The following PDCL3 variants were observed in gnomAD, a reference collection of about 807,000 sequenced individuals.
PDCL3 encodes the protein phosducin like 3.
In PDCL3, 22 loss-of-function variants were observed where a neutral mutation model predicts 26.5. The observed-to-expected ratio is 0.83, with a 90% CI of 0.59 to 1.19. The LOEUF (loss-of-function observed/expected upper bound fraction) is 1.19, where lower values mean the gene tolerates loss of function less well. PDCL3 is among the 50% of genes most tolerant of loss of function. The pLI, the probability that PDCL3 is intolerant of heterozygous loss-of-function variation, is 0.00. For missense variants in PDCL3, 246 were observed against 294.1 expected (o/e 0.84, Z 1.20); for synonymous variants, 81 against 104.9 (o/e 0.77, Z 1.39).
chr2:100,576,420 C>T lies in PDCL3; in HGVS notation c.644C>T (p.Pro215Leu), dbSNP rs1453404519. 12 of 1,613,782 alleles carry T rather than the reference C, an allele frequency of 7.4e-6. No individual in the cohort carries two copies. Among genetic ancestry groups the T allele is most frequent in the African/African-American group, 1.3e-5 (1 of 74,900 alleles). The change falls in exon 6 of 6, where the codon CCG becomes CTG. Residue 215 changes from proline (P) to leucine (L), a missense_variant. By Grantham distance (98) the Pro-to-Leu change is moderately conservative. Transcript: ENST00000264254. The stretch of plus-strand genomic sequence containing the variant: ...GACCTGGAGGAAAACCCTAAGAAGC[C>T]GATTGAAGACGTGTTGCTGTCCTCA... ...MTDLEENPKK[P>L]IEDVLLSSVR...
chr2:100,574,404 A>G (rs1295560356), intron 5 of PDCL3, among the ~76,000 whole-genome samples: 3 of 151,448 alleles, frequency 2.0e-5, no homozygotes, highest in Admixed American at 2.0e-4. Context: ...AAGTACCTAG[A>G]GCCGAAAATA....
chr2:100,568,875 T>C (rs574045672), intron 2 of PDCL3, 56 bp from the exon 3 acceptor site: 1 of 1,404,534 alleles, frequency 7.1e-7, no homozygotes, highest in Non-Finnish European at 1.0e-6. Context: ...AAAAGAAAAA[T>C]ACATGTTCGT....
intron 1 of PDCL3, chr2:100,563,552 C>T (rs1165171926): frequency 6.5e-6 from 1 of 154,240 alleles, no homozygotes; most frequent in Non-Finnish European, 1.4e-5. Flanking sequence ...CCCTGGGATC[C>T]GCTTGGGGCG....
At position 100,569,764 on chromosome 2, in the gene PDCL3, T is replaced by A. The variant is rs745361615; in HGVS notation, c.368+43T>A. ...TCCATCTATCAAATGTTAATTTGAA[T>A]TTATGTCTTCAGGATCTCAGGCGTT... is the stretch of plus-strand genomic sequence containing the variant. On this transcript the variant is annotated intron_variant, in intron 4 of 5. Transcript: ENST00000264254. 2.5e-6 allele frequency: 4 copies of A among 1,585,972 alleles called. No homozygotes were observed. The East Asian group carries it at 9.1e-5, about 36-fold the overall frequency.
chr2:100,568,805 GT>G, intron 2 of PDCL3, 125 bp from the exon 3 acceptor site: 1 of 724,292 alleles, frequency 1.4e-6, no homozygotes. Flanking sequence ...AGTAATTTTT[GT>G]TTAGGTAGGC....
At chr2:100,569,370 AAATGTGT>A (rs1475436499) in intron 3 of PDCL3, among the ~76,000 whole-genome samples, 1 of 152,176 alleles carries the variant, frequency 6.6e-6, no homozygotes, top group Non-Finnish European at 1.5e-5. Flanking sequence ...AAATAAAATG[AAATGTGT>A]GTCCTTCAAA....
chr2:100,566,494 C>T lies in PDCL3; in HGVS notation c.7-9C>T. 6.2e-7 allele frequency: 1 copy of T among 1,611,344 alleles called. No homozygotes were observed. On this transcript the variant is annotated splice_polypyrimidine_tract_variant and intron_variant, in intron 1 of 5. Coordinates refer to ENST00000264254, the MANE Select transcript of PDCL3 (RefSeq NM_024065.5). ...AGCACTCATGGTAACCTTGGTCCCG[C>T]TCTTCTAGGACCCCAACGCAGACAC...
In PDCL3 at chr2:100,569,559, C is replaced by T. The variant is rs200774210; in HGVS notation, c.225-19C>T. The T allele has an allele frequency of 6.8e-6, 11 of 1,609,672 alleles. No homozygotes were observed. Among genetic ancestry groups the T allele is most frequent in the Non-Finnish European group, 9.3e-6 (11 of 1,178,340 alleles). ...CACGTGTTTGTGACGTAAGATGTTT[C>T]TCTCCTTGTTTTGTGCAGACGGCGG... On this transcript the variant is annotated intron_variant, in intron 3 of 5. Coordinates refer to ENST00000264254, the MANE Select transcript of PDCL3 (RefSeq NM_024065.5).
chr2:100,569,752 T>C (rs1205446928), intron 4 of PDCL3, 31 bp downstream of exon 4: 3 of 1,592,206 alleles, frequency 1.9e-6, no homozygotes, highest in Non-Finnish European at 1.7e-6. Flanking sequence ...ATCTATCAAA[T>C]GTTAATTTGA....
intron 5 of PDCL3, among the ~76,000 whole-genome samples, chr2:100,573,589 A>C (rs1675220748): frequency 6.6e-6 from 1 of 151,132 alleles, no homozygotes; most frequent in African/African-American, 2.4e-5. Context: ...CAGGAGAATC[A>C]CTTGACCTGG....
intron 5 of PDCL3, 30 bp from the exon 6 acceptor site, chr2:100,576,324 T>C: frequency 6.2e-7 from 1 of 1,612,024 alleles, no homozygotes; most frequent in South Asian, 1.1e-5. Flanking sequence ...CACAGTGCCT[T>C]AGGCAATTTG....
At chr2:100,572,269 TG>T (rs1675192679) in intron 5 of PDCL3, among the ~76,000 whole-genome samples, 2 of 152,166 alleles carry the variant, frequency 1.3e-5, no homozygotes, top group South Asian at 4.1e-4. Context: ...TGGAGTGCAA[TG>T]GTATGATCTT....
intron 5 of PDCL3, among the ~76,000 whole-genome samples, chr2:100,573,742 T>C (rs1675225091): frequency 6.6e-6 from 1 of 151,162 alleles, no homozygotes; most frequent in Non-Finnish European, 1.5e-5. Flanking sequence ...CACACACATA[T>C]AGGAGATACA....
At chr2:100,574,709 A>G (rs922607605) in intron 5 of PDCL3, among the ~76,000 whole-genome samples, 3 of 152,234 alleles carry the variant, frequency 2.0e-5, no homozygotes, top group African/African-American at 7.2e-5. Flanking sequence ...TTACCATCTT[A>G]TAACTGAAAG....
At chr2:100,574,334 C>G (rs1675238157) in intron 5 of PDCL3, among the ~76,000 whole-genome samples, 1 of 149,270 alleles carries the variant, frequency 6.7e-6, no homozygotes, top group Non-Finnish European at 1.5e-5. Flanking sequence ...AGTCAGGAAT[C>G]TGAAGTCTTG....
intron 5 of PDCL3, among the ~76,000 whole-genome samples, chr2:100,575,799 T>G (rs979138497): frequency 2.0e-5 from 3 of 152,218 alleles, no homozygotes; most frequent in Non-Finnish European, 4.4e-5. Flanking sequence ...AAATTGGATT[T>G]AATGATTAGA....
At position 100,571,576 on chromosome 2, in the gene PDCL3, T is replaced by C. The variant is rs1373869146; in HGVS notation, c.369-14T>C. On this transcript the variant is annotated splice_polypyrimidine_tract_variant and intron_variant, in intron 4 of 5. Coordinates refer to ENST00000264254, the MANE Select transcript of PDCL3 (RefSeq NM_024065.5). ...GGATCATAATTGCTTCTGTTTTCTA[T>C]GTGTGTTTTATAGAATTCCCCTCTG... 2 of 1,610,818 alleles carry C rather than the reference T, an allele frequency of 1.2e-6. No individual in the cohort carries two copies. Among genetic ancestry groups the C allele is most frequent in the Non-Finnish European group, 1.7e-6 (2 of 1,178,824 alleles).
At chr2:100,563,103 G>A (rs757972317) in intron 1 of PDCL3, 30 bp downstream of exon 1, 9 of 1,593,390 alleles carry the variant, frequency 5.6e-6, no homozygotes, top group East Asian at 2.3e-5. Flanking sequence ...GGGTCTGGGG[G>A]CTGCGGCCCG....
intron 1 of PDCL3, chr2:100,563,287 G>C: frequency 1.9e-6 from 1 of 521,436 alleles, no homozygotes; most frequent in Non-Finnish European, 3.3e-6. Flanking sequence ...CGGTGTGCCG[G>C]GTCCCCCAAA....
Sources: allele counts gnomAD v4.1 joint callset (sites outside exome capture counted in the v4.1 genomes callset), GRCh38; gene constraint gnomAD v4.1.1; transcripts MANE v1.5; gene names NCBI Gene and HGNC (gene_info 2026-07-23, HGNC 2026-07-21).